The following CCDC57 variants were observed in gnomAD, a reference collection of about 807,000 sequenced individuals.
CCDC57 encodes coiled-coil domain containing 57.
In CCDC57, 118 loss-of-function variants were observed where a neutral mutation model predicts 118.9. The observed-to-expected ratio is 0.99, with a 90% CI of 0.86 to 1.16. The LOEUF is 1.16. Ranked by LOEUF, CCDC57 falls within the 50% of genes most tolerant of loss-of-function variation. The pLI is 0.00. For missense variants in CCDC57, 1,300 were observed against 1,320.7 expected (o/e 0.98, Z 0.24); for synonymous variants, 527 against 532.9 (o/e 0.99, Z 0.15).
At chr17:82,133,901 A>C (rs1371575244) in intron 17 of CCDC57, among the ~76,000 whole-genome samples, 172 bp downstream of exon 16, 1 of 152,148 alleles carries the variant, frequency 6.6e-6, no homozygotes, top group Non-Finnish European at 1.5e-5. Flanking sequence ...AACCAAAACA[A>C]AACAAAAACC....
chr17:82,126,666 C>T (rs764505687), intron 19 of CCDC57: 20 of 985,146 alleles, frequency 2.0e-5, no homozygotes, highest in African/African-American at 7.0e-5. Context: ...GGGTGGGTGG[C>T]GGAGGCTGAG....
exon 3 of CCDC57, chr17:82,201,731 CCAG>C (rs1429184133): frequency 6.2e-7 from 1 of 1,613,854 alleles, no homozygotes; most frequent in Admixed American, 1.7e-5. Context: ...TCATAGCGCT[CCAG>C]CTCGAGGTCC....
chr17:82,170,923 C>T (rs986456590), intron 13 of CCDC57, among the ~76,000 whole-genome samples: 1 of 152,268 alleles, frequency 6.6e-6, no homozygotes, highest in African/African-American at 2.4e-5. Context: ...GGCTACCTCG[C>T]ACGATGTGGA....
rs7213172 is a variant in CCDC57, at chr17:82,127,827, G to C, written c.2764C>G (p.Gln922Glu). The change falls in exon 19 of 20, where the codon CAG becomes GAG. Residue 922 changes from glutamine to glutamate, a missense_variant. By Grantham distance (29) the Gln-to-Glu change is conservative (BLOSUM62 2). Coordinates refer to ENST00000665763, the Ensembl canonical transcript of CCDC57. The stretch of plus-strand genomic sequence containing the variant: ...TGGCGACCATGCTCCTCAGGGTGCT[G>C]GGGAGCCTGGGGTGGCTTTGGGGAC... The C allele has an allele frequency of 4.0e-3, 6,375 of 1,611,288 alleles. 236 individuals are homozygous for C. In the African/African-American group the frequency reaches 0.074, roughly 19 times the overall value.
At chr17:82,177,022 G>A (rs191985803) in intron 11 of CCDC57, among the ~76,000 whole-genome samples, 1 of 151,946 alleles carries the variant, frequency 6.6e-6, no homozygotes, top group East Asian at 1.9e-4. Flanking sequence ...GAGGTGGGCA[G>A]ATCACCTGAG....
chr17:82,101,978 G>T, intron 19 of CCDC57, 112 bp from the exon 19 acceptor site: 2 of 1,082,780 alleles, frequency 1.8e-6, no homozygotes, highest in South Asian at 1.9e-5. Flanking sequence ...GCCAGCGGGG[G>T]CCCTGTGACC....
At chr17:82,133,797 T>C (rs1365216700) in intron 17 of CCDC57, among the ~76,000 whole-genome samples, 1 of 145,558 alleles carries the variant, frequency 6.9e-6, no homozygotes, top group Non-Finnish European at 1.5e-5. Context: ...GAGGGGGAGG[T>C]TGTAGTGAGC....
intron 14 of CCDC57, among the ~76,000 whole-genome samples, chr17:82,160,806 G>A (rs1351427419): frequency 5.3e-5 from 8 of 150,744 alleles, no homozygotes; most frequent in African/African-American, 2.0e-4. Context: ...CCCGGGAGGC[G>A]GAGGTTGCAG....
chr17:82,211,463 C>G (rs1053577813), intron 1 of CCDC57, among the ~76,000 whole-genome samples: 1 of 152,108 alleles, frequency 6.6e-6, no homozygotes, highest in African/African-American at 2.4e-5. Context: ...CTGTGGTTCT[C>G]TAAGAGGTCA....
chr17:82,127,464 C>A (rs959509318), intron 19 of CCDC57: 1 of 985,308 alleles, frequency 1.0e-6, no homozygotes, highest in Non-Finnish European at 1.2e-6. Context: ...TACGGTGCTG[C>A]ACTAGGAAAT....
chr17:82,195,156 T>A (rs2048148389), intron 5 of CCDC57, 107 bp downstream of exon 4: 1 of 807,326 alleles, frequency 1.2e-6, no homozygotes. Flanking sequence ...GCCCAAGGGA[T>A]CCTCTTGCCT....
At chr17:82,166,346 CA>C (rs11077980) in intron 13 of CCDC57, among the ~76,000 whole-genome samples, 63,718 of 126,304 alleles carry the variant, frequency 0.5, 14,584 homozygotes, top group East Asian at 0.87. Context: ...CCCATCTCTA[CA>C]AAAAAAAAAA....
At chr17:82,138,702 C>T (rs886174416) in intron 16 of CCDC57, among the ~76,000 whole-genome samples, 8 of 151,848 alleles carry the variant, frequency 5.3e-5, no homozygotes, top group African/African-American at 1.7e-4. Flanking sequence ...TCGGAAGAGA[C>T]GCGTGGCCTG....
rs1336523172 is a variant in CCDC57, at chr17:82,129,915, G to A, written c.2578-1318C>T. On this transcript the variant is annotated intron_variant, in intron 17 of 19. Coordinates refer to ENST00000665763, the Ensembl canonical transcript of CCDC57. ...CAAAAAATAAATAAATAAAAAATTA[G>A]GCTGGGCGCGGTAGCTCACACCTGT... Among the ~76,000 whole-genome samples, 5 of 151,916 alleles carry A rather than the reference G, an allele frequency of 3.3e-5. No homozygotes were observed. The East Asian group carries it at 7.7e-4, about 23-fold the overall frequency.
At chr17:82,117,738 T>C (rs1192464200) in intron 19 of CCDC57, among the ~76,000 whole-genome samples, 1 of 99,656 alleles carries the variant, frequency 1.0e-5, no homozygotes, top group Non-Finnish European at 2.3e-5. Context: ...ACTTATCAGA[T>C]TGGCCAACAA....
intron 16 of CCDC57, among the ~76,000 whole-genome samples, chr17:82,142,105 T>C (rs1219676223): frequency 1.3e-5 from 2 of 152,248 alleles, no homozygotes; most frequent in South Asian, 4.1e-4. Context: ...CATTGTTTAA[T>C]GAACAGAATA....
At chr17:82,141,020 CT>C (rs1227476876) in intron 16 of CCDC57, among the ~76,000 whole-genome samples, 12 of 150,848 alleles carry the variant, frequency 8.0e-5, no homozygotes, top group Non-Finnish European at 1.0e-4. Context: ...TTTATTTATT[CT>C]TTTTTTTGAG....
intron 19 of CCDC57, among the ~76,000 whole-genome samples, chr17:82,110,127 C>T (rs1179626974): frequency 6.6e-6 from 1 of 151,308 alleles, no homozygotes; most frequent in Admixed American, 6.6e-5. Flanking sequence ...ATTACAGGTG[C>T]CTGCCACCAC....
At chr17:82,206,407 T>C (rs913267729) in intron 2 of CCDC57, among the ~76,000 whole-genome samples, 1 of 152,182 alleles carries the variant, frequency 6.6e-6, no homozygotes, top group Admixed American at 6.5e-5. Context: ...CTTCCAGGTC[T>C]CCACTCTCAC....
Sources: gnomAD v4.1 joint callset for allele counts (sites outside exome capture counted in the v4.1 genomes callset) on GRCh38, gnomAD v4.1.1 for gene constraint, MANE v1.5 for transcripts, NCBI Gene and HGNC (gene_info 2026-07-23, HGNC 2026-07-21) for gene names.